Variants in THSD7B observed in about 807,000 individuals in gnomAD.
THSD7B encodes thrombospondin type 1 domain containing 7B.
In THSD7B, 138 loss-of-function variants were observed where a neutral mutation model predicts 213.6. The observed-to-expected ratio is 0.65, with a 90% CI of 0.56 to 0.74. The LOEUF (loss-of-function observed/expected upper bound fraction) is 0.74, where lower values mean the gene tolerates loss of function less well. THSD7B is among the 30% of genes least tolerant of loss of function. THSD7B has a pLI of 0.00. For synonymous variants in THSD7B, 742 were observed against 687.0 expected (o/e 1.08, Z -1.25); for missense variants, 1,931 against 1,991.5 (o/e 0.97, Z 0.58).
At chr2:137,091,882 T>G (rs1178049074) in intron 3 of THSD7B, among the ~76,000 whole-genome samples, 1 of 152,172 alleles carries the variant, frequency 6.6e-6, no homozygotes. Flanking sequence ...AAACTTCTCG[T>G]CGACTTACAG....
intron 15 of THSD7B, among the ~76,000 whole-genome samples, chr2:137,530,741 G>C (rs1298046375): frequency 1.3e-5 from 2 of 151,954 alleles, no homozygotes; most frequent in Non-Finnish European, 2.9e-5. Flanking sequence ...GACCTAGAAA[G>C]AGAAAACAGG....
intron 1 of THSD7B, among the ~76,000 whole-genome samples, chr2:136,873,817 T>C (rs1683483312): frequency 6.6e-6 from 1 of 152,198 alleles, no homozygotes; most frequent in African/African-American, 2.4e-5. Flanking sequence ...TATCAATGAC[T>C]GTCCTCCTCA....
At chr2:136,796,556 A>G (rs953601220) in intron 1 of THSD7B, among the ~76,000 whole-genome samples, 16 of 152,022 alleles carry the variant, frequency 1.1e-4, no homozygotes, top group African/African-American at 3.9e-4. Flanking sequence ...TGCTACCTGT[A>G]GGTGACAGTA....
At chr2:136,931,203 C>T (rs985495780) in intron 2 of THSD7B, among the ~76,000 whole-genome samples, 2 of 151,926 alleles carry the variant, frequency 1.3e-5, no homozygotes, top group South Asian at 4.1e-4. Flanking sequence ...ACAAGTAGGT[C>T]GAAGGGAAAT....
intron 7 of THSD7B, among the ~76,000 whole-genome samples, chr2:137,215,693 A>G (rs975760569): frequency 2.0e-5 from 3 of 152,206 alleles, no homozygotes; most frequent in Non-Finnish European, 2.9e-5. Context: ...TGCAAGGATT[A>G]TGTTAAGACA....
intron 6 of THSD7B, among the ~76,000 whole-genome samples, chr2:137,169,647 TAAAAG>T (rs1680204271): frequency 6.6e-6 from 1 of 152,114 alleles, no homozygotes. Context: ...TTGGTTTTGT[TAAAAG>T]AAAAAGGAAT....
chr2:137,573,946 A>G (rs374168385), intron 17 of THSD7B, among the ~76,000 whole-genome samples: 1 of 152,116 alleles, frequency 6.6e-6, no homozygotes, highest in Non-Finnish European at 1.5e-5. Context: ...TTGAAGAAGA[A>G]GGGTAGCTGT....
chr2:136,797,818 A>G (rs1682101525), intron 1 of THSD7B, among the ~76,000 whole-genome samples: 1 of 151,982 alleles, frequency 6.6e-6, no homozygotes, highest in Non-Finnish European at 1.5e-5. Context: ...ACTCTCTACC[A>G]TATGCAAATA....
rs1553481982 is a variant in THSD7B, at chr2:137,238,564, T to TTTTTC, written c.2151-3893_2151-3892insTTTTC. Among the ~76,000 whole-genome samples the TTTTTC allele has an allele frequency of 1.6e-3, 133 of 83,410 alleles. 6 individuals carry two copies. The highest frequency in any genetic ancestry group is 1.8e-3 in the African/African-American group (47 of 25,778). 54.7% of individuals were successfully genotyped at this position (83,410 alleles called of 152,430 possible). A position where few individuals can be genotyped will look rare whatever the true frequency, so the allele number is the denominator to read the frequency against. On this transcript the variant is annotated intron_variant, in intron 9 of 27. Transcript: ENST00000409968. Reference sequence around the variant, plus strand: ...TTTTTTTTTTTTTTTTTTTTTTTTTTGAGACGGAGTCTCGCTCTGTCGCCC... The same window carrying TTTTTC: ...TTTTTTTTTTTTTTTTTTTTTTTTTTTTTTCGAGACGGAGTCTCGCTCTGTCGCCC...
chr2:137,595,731 C>T (rs1456932338), intron 17 of THSD7B, among the ~76,000 whole-genome samples: 2 of 151,878 alleles, frequency 1.3e-5, no homozygotes, highest in Non-Finnish European at 2.9e-5. Context: ...TATATGTACA[C>T]ATTCCACATG....
chr2:137,047,551 A>G (rs1309071795), intron 2 of THSD7B, among the ~76,000 whole-genome samples: 1 of 152,184 alleles, frequency 6.6e-6, no homozygotes, highest in African/African-American at 2.4e-5. Context: ...AGGAGCTAAA[A>G]AAAGGAACTT....
intron 15 of THSD7B, among the ~76,000 whole-genome samples, chr2:137,539,846 G>GGTT (rs1457879068): frequency 1.3e-5 from 2 of 151,008 alleles, no homozygotes; most frequent in Non-Finnish European, 3.0e-5. Context: ...TCTTTTTTTC[G>GGTT]GTTGAAGATG....
intron 4 of THSD7B, among the ~76,000 whole-genome samples, chr2:137,109,206 C>T (rs1416775855): frequency 6.6e-6 from 1 of 152,142 alleles, no homozygotes; most frequent in Non-Finnish European, 1.5e-5. Context: ...TATTACTTCC[C>T]TCAGTAGCCA....
chr2:137,204,652 G>A (rs1680945371), intron 7 of THSD7B, among the ~76,000 whole-genome samples: 1 of 152,064 alleles, frequency 6.6e-6, no homozygotes, highest in African/African-American at 2.4e-5. Flanking sequence ...TGTAACATAT[G>A]TATTTTTTAT....
intron 1 of THSD7B, among the ~76,000 whole-genome samples, chr2:136,865,825 T>G (rs551450725): frequency 1.3e-5 from 2 of 152,180 alleles, no homozygotes; most frequent in African/African-American, 4.8e-5. Context: ...CTACTGTATG[T>G]TTTTAAGTAG....
chr2:137,245,839 T>C (rs1682019626), intron 10 of THSD7B, among the ~76,000 whole-genome samples: 2 of 152,144 alleles, frequency 1.3e-5, no homozygotes. Context: ...TTTTGGGAAA[T>C]GGTGTCCTAA....
chr2:137,303,716 T>TTATATATA (rs1231232248), intron 12 of THSD7B, among the ~76,000 whole-genome samples: 14 of 128,614 alleles, frequency 1.1e-4, no homozygotes, highest in African/African-American at 4.7e-4. Context: ...ATATATATAT[T>TTATATATA]TATATATATA....
chr2:136,777,276 T>C (rs2104903154), intron 1 of THSD7B, among the ~76,000 whole-genome samples: 1 of 152,312 alleles, frequency 6.6e-6, no homozygotes, highest in South Asian at 2.1e-4. Context: ...TCATGTATAG[T>C]ACATGAGAGC....
intron 6 of THSD7B, among the ~76,000 whole-genome samples, chr2:137,166,516 A>G (rs36115527): frequency 0.045 from 6,905 of 152,258 alleles, 197 homozygotes; most frequent in Admixed American, 0.069. Flanking sequence ...GAGTGTCACA[A>G]CAGCCAGCTG....
Sources: gnomAD v4.1 joint callset for allele counts (sites outside exome capture counted in the v4.1 genomes callset) on GRCh38, gnomAD v4.1.1 for gene constraint, MANE v1.5 for transcripts, NCBI Gene and HGNC (gene_info 2026-07-23, HGNC 2026-07-21) for gene names.